PSMB2: variants seen among roughly 807,000 people sequenced by gnomAD.
PSMB2 encodes the protein proteasome subunit beta type-2.
PSMB2 carries 13 observed loss-of-function variants against 25.7 expected under a neutral mutation model. That is an observed-to-expected ratio of 0.51 (90% CI 0.33 to 0.80). PSMB2 has a LOEUF of 0.80. PSMB2 is among the 30% of genes least tolerant of loss of function. PSMB2 has a pLI of 0.02. For synonymous variants in PSMB2, 87 were observed against 96.2 expected, an observed-to-expected ratio of 0.90 and a Z score of 0.56; for missense variants, 202 against 259.0, an observed-to-expected ratio of 0.78 and a Z score of 1.51.
intron 2 of PSMB2, among the ~76,000 whole-genome samples, chr1:35,635,072 C>A (rs904731096): frequency 6.6e-6 from 1 of 151,824 alleles, no homozygotes; most frequent in East Asian, 1.9e-4. Flanking sequence ...CCAGCCTGAC[C>A]AACATGGAGA....
At chr1:35,605,314 G>T in intron 4 of PSMB2, 32 bp from the exon 5 acceptor site, 1 of 1,600,602 alleles carries the variant, frequency 6.2e-7, no homozygotes, top group African/African-American at 1.3e-5. Flanking sequence ...AAATACTTCC[G>T]GTGCTGTCAT....
rs1170143942 is a variant in PSMB2 at position 35,628,637 on chromosome 1, T to A, written c.285+2637A>T. ...TATATATATATATATATATATTTTT[T>A]TTTTTTTTTTTAAAGAAAAGACTAC... On this transcript the variant is annotated intron_variant, in intron 3 of 5. Transcript: ENST00000373237. Among the ~76,000 whole-genome samples, 108 of 68,284 alleles carry A rather than the reference T, an allele frequency of 1.6e-3. 2 individuals are homozygous for A. Among genetic ancestry groups the A allele is most frequent in the African/African-American group, 4.6e-3 (97 of 21,220 alleles). 44.8% of individuals were successfully genotyped at this position (68,284 alleles called of 152,430 possible).
Position 35,628,597 on chromosome 1 carries a change from ATATAT to A in PSMB2, c.285+2672_285+2676del, listed in dbSNP as rs1368785435. 1.7e-3 allele frequency among the ~76,000 whole-genome samples: 36 copies of A among 21,570 alleles called. 1 individual carries two copies. The highest frequency in any genetic ancestry group is 3.9e-3 in the African/African-American group (27 of 6,974). 14.2% of individuals were successfully genotyped at this position (21,570 alleles called of 152,430 possible). ...TTGGAAGAAAAAAAAAAAAAAAAAA[ATATAT>A]ATATATATATATATATATATATATA... On this transcript the variant is annotated intron_variant, in intron 3 of 5. Transcript: ENST00000373237.
chr1:35,617,498 AATT>A (rs1237087975), intron 3 of PSMB2, among the ~76,000 whole-genome samples: 2 of 152,256 alleles, frequency 1.3e-5, no homozygotes, highest in African/African-American at 4.8e-5. Context: ...AACATAGAAT[AATT>A]ATTAAATGGG....
At chr1:35,607,465 C>G (rs1650201904) in intron 4 of PSMB2, among the ~76,000 whole-genome samples, 1 of 152,074 alleles carries the variant, frequency 6.6e-6, no homozygotes, top group Admixed American at 6.5e-5. Context: ...AAATCAAAAC[C>G]ACAATGAGGT....
intron 3 of PSMB2, among the ~76,000 whole-genome samples, chr1:35,615,402 T>C (rs1025323118): frequency 6.6e-6 from 1 of 152,244 alleles, no homozygotes; most frequent in African/African-American, 2.4e-5. Context: ...AAACTTTACT[T>C]AAGTTAGATT....
intron 3 of PSMB2, among the ~76,000 whole-genome samples, chr1:35,619,023 G>C (rs533717786): frequency 1.3e-5 from 2 of 152,266 alleles, no homozygotes; most frequent in East Asian, 3.9e-4. Context: ...CAAAATAAAA[G>C]AAACACTGCT....
chr1:35,638,760 A>ACCACTTAATAAGGTGGCAAG (rs1651313724), intron 1 of PSMB2, among the ~76,000 whole-genome samples: 1 of 152,192 alleles, frequency 6.6e-6, no homozygotes, highest in Non-Finnish European at 1.5e-5. Flanking sequence ...CAAAAGTTAT[A>ACCACTTAATAAGGTGGCAAG]CCACTTAATA....
intron 2 of PSMB2, among the ~76,000 whole-genome samples, chr1:35,634,247 A>T (rs185030855): frequency 2.0e-5 from 3 of 152,384 alleles, no homozygotes; most frequent in Non-Finnish European, 4.4e-5. Flanking sequence ...TTTCATATGT[A>T]TTATTCATTA....
chr1:35,628,594 AAAATATATATATATAT>A (rs1282843162), intron 3 of PSMB2, among the ~76,000 whole-genome samples: 18 of 12,516 alleles, frequency 1.4e-3, no homozygotes, highest in Non-Finnish European at 2.5e-3. Context: ...AAAAAAAAAA[AAAATATATATATATAT>A]ATATATATAT....
At chr1:35,628,609 ATATATATATATATATATATATATT>A (rs1557456404) in intron 3 of PSMB2, among the ~76,000 whole-genome samples, 322 of 25,154 alleles carry the variant, frequency 0.013, 13 homozygotes, top group African/African-American at 0.032. Flanking sequence ...ATATATATAT[ATATATATATATATATATATATATT>A]TTTTTTTTTT....
intron 3 of PSMB2, among the ~76,000 whole-genome samples, chr1:35,617,012 C>T (rs1015721939): frequency 6.6e-6 from 1 of 152,126 alleles, no homozygotes; most frequent in African/African-American, 2.4e-5. Flanking sequence ...GATGGGGAAG[C>T]GGGTAGAGAA....
At chr1:35,614,504 T>C (rs1240070861) in intron 3 of PSMB2, among the ~76,000 whole-genome samples, 1 of 152,228 alleles carries the variant, frequency 6.6e-6, no homozygotes, top group East Asian at 1.9e-4. Context: ...GTTTAGATAG[T>C]AAGTCTAAGT....
At chr1:35,615,462 CCT>C (rs2148566926) in intron 3 of PSMB2, among the ~76,000 whole-genome samples, 1 of 152,240 alleles carries the variant, frequency 6.6e-6, no homozygotes, top group African/African-American at 2.4e-5. Flanking sequence ...TTGTATATTC[CCT>C]CTCTTATGAA....
At chr1:35,625,400 A>C (rs1022538736) in intron 3 of PSMB2, among the ~76,000 whole-genome samples, 2 of 152,162 alleles carry the variant, frequency 1.3e-5, no homozygotes, top group Admixed American at 1.3e-4. Context: ...CTGTCTCTCT[A>C]TCTGTTAAAT....
At chr1:35,638,981 C>T (rs1232003338) in intron 1 of PSMB2, among the ~76,000 whole-genome samples, 4 of 152,146 alleles carry the variant, frequency 2.6e-5, no homozygotes, top group African/African-American at 4.8e-5. Context: ...CGGCTGGGCA[C>T]GGTGGCTCAC....
At chr1:35,633,574 C>G (rs1471924305) in intron 2 of PSMB2, among the ~76,000 whole-genome samples, 3 of 152,222 alleles carry the variant, frequency 2.0e-5, no homozygotes, top group Non-Finnish European at 4.4e-5. Context: ...TTCTCCCTCT[C>G]TCAGGACAGC....
At chr1:35,604,776 G>A (rs538440105) in intron 5 of PSMB2, among the ~76,000 whole-genome samples, 76 of 152,218 alleles carry the variant, frequency 5.0e-4, no homozygotes, top group African/African-American at 1.7e-3. Context: ...GCGAAACTCC[G>A]TCTCAAATAA....
At chr1:35,627,704 T>G in intron 3 of PSMB2, among the ~76,000 whole-genome samples, 1 of 152,164 alleles carries the variant, frequency 6.6e-6, no homozygotes. Context: ...TAATAACTTT[T>G]TGAAATTGGT....
Sources: allele counts gnomAD v4.1 joint callset (sites outside exome capture counted in the v4.1 genomes callset), GRCh38; gene constraint gnomAD v4.1.1; transcripts MANE v1.5; gene names NCBI Gene and HGNC (gene_info 2026-07-23, HGNC 2026-07-21).